The following PDGFRB variants were observed in gnomAD, a reference collection of about 807,000 sequenced individuals.
The protein encoded by PDGFRB is platelet-derived growth factor receptor beta.
In PDGFRB, 42 loss-of-function variants were observed where a neutral mutation model predicts 120.2. The ratio of observed to expected loss-of-function variants is 0.35; its 90% CI spans 0.27 to 0.45. PDGFRB has a LOEUF of 0.45. Among genes scored for constraint, PDGFRB ranks in the 20% least tolerant of loss-of-function variants. The pLI is 1.00. For missense variants in PDGFRB, 1,149 were observed against 1,476.3 expected (o/e 0.78, Z 3.63); for synonymous variants, 586 against 606.8 (o/e 0.97, Z 0.50).
chr5:150,122,774 C>T (rs1342288582), intron 15 of PDGFRB, among the ~76,000 whole-genome samples: 1 of 152,236 alleles, frequency 6.6e-6, no homozygotes, highest in Admixed American at 6.5e-5. Context: ...CCCCTTCCTC[C>T]ATCACTGCCT....
At position 150,134,831 on chromosome 5, in the gene PDGFRB, C is replaced by T; in HGVS notation, c.550G>A (p.Glu184Lys). The change falls in exon 4 of 23, where the codon GAG becomes AAG. Residue 184 changes from glutamate (E) to lysine (K), a missense_variant. Transcript: ENST00000261799. Reference protein sequence around the residue: ...DHQRGFSGIFEDRSYICKTTI... With the variant: ...DHQRGFSGIFKDRSYICKTTI... ...GTTTTGCAGATGTAGCTTCTGTCCT[C>T]AAAGATACCAGAAAAGCCACGTTGG... 1 of 1,614,206 alleles carries T rather than the reference C, an allele frequency of 6.2e-7. No homozygotes were observed. The highest frequency in any genetic ancestry group is 8.5e-7 in the Non-Finnish European group (1 of 1,180,042).
At position 150,117,792 on chromosome 5, in the gene PDGFRB, G is replaced by C. The variant is rs2113884213; in HGVS notation, c.2963C>G (p.Ser988Cys). Reference protein sequence around the residue: ...LRSDHPAILRSQARLPGFHGL... With the variant: ...LRSDHPAILRCQARLPGFHGL... ...ATGGAACCCAGGCAAGCGGGCCTGG[G>C]ACCGAAGGATGGCTGGGTGGTCACT... The change falls in exon 22 of 23, where the codon TCC (serine) becomes TGC (cysteine). Residue 988 changes from serine (S) to cysteine (C), a missense_variant. Physicochemically the swap from Ser to Cys is moderately radical, Grantham distance 112 (BLOSUM62 -1). Transcript: ENST00000261799. The C allele has an allele frequency of 1.2e-6, 2 of 1,613,916 alleles. No individual in the cohort carries two copies. The highest frequency in any genetic ancestry group is 2.2e-5 in the South Asian group (2 of 91,070).
rs746529045 is a variant in PDGFRB at position 150,129,896 on chromosome 5, C to G, written c.1440G>C (p.Val480=). 3 of 1,614,218 alleles carry G rather than the reference C, an allele frequency of 1.9e-6. No individual in the cohort carries two copies. In the East Asian group the frequency reaches 6.7e-5, roughly 36 times the overall value. Residue 480 remains valine (V), a synonymous_variant, in exon 10 of 23, where the codon GTG becomes GTC. Coordinates refer to ENST00000261799, the MANE Select transcript of PDGFRB (RefSeq NM_002609.4). ...ACTCCTGCTCCTCCTCCCAGTACGTCACGTTAGTCTCCAGCTGGCTCTCCT... is the reference window on the plus strand; with the variant it reads ...ACTCCTGCTCCTCCTCCCAGTACGTGACGTTAGTCTCCAGCTGGCTCTCCT... ...SEEESQLETN[V]TYWEEEQEFE...
intron 12 of PDGFRB, 63 bp from the exon 13 acceptor site, chr5:150,124,894 C>T (rs1760251646): frequency 3.1e-6 from 2 of 653,508 alleles, no homozygotes; most frequent in Non-Finnish European, 5.0e-6. Flanking sequence ...CCCCCAGCTG[C>T]CCCCCTCCCC....
intron 2 of PDGFRB, 150 bp downstream of exon 2, chr5:150,136,858 G>C: frequency 1.5e-6 from 1 of 656,006 alleles, no homozygotes; most frequent in South Asian, 1.7e-5. Flanking sequence ...CCTCCACAGA[G>C]CCCACTGGAA....
At chr5:150,143,098 C>T (rs1359814226) in intron 1 of PDGFRB, among the ~76,000 whole-genome samples, 1 of 151,928 alleles carries the variant, frequency 6.6e-6, no homozygotes, top group Non-Finnish European at 1.5e-5. Context: ...AGGTGGGTAG[C>T]GTATATGGAC....
Position 150,125,571 on chromosome 5 carries a change from G to A in PDGFRB, c.1681C>T (p.Arg561Cys), listed in dbSNP as rs367543286. 6.2e-7 allele frequency: 1 copy of A among 1,613,818 alleles called. No individual in the cohort carries two copies. The highest frequency in any genetic ancestry group is 8.5e-7 in the Non-Finnish European group (1 of 1,179,848). Residue 561 changes from arginine (R) to cysteine (C), a missense_variant, in exon 12 of 23, where the codon CGT becomes TGT. Around this residue, in one of 3 missense-constraint regions of PDGFRB, gnomAD observed 879 missense variants for 1,108.6 expected, o/e 0.79. Coordinates refer to ENST00000261799, the MANE Select transcript of PDGFRB (RefSeq NM_002609.4). ...ATCACCTTCCATCGGATCTCGTAACGTGGCTTCTGGAGGACCAACCCCAGG... is the reference window on the plus strand; with the variant it reads ...ATCACCTTCCATCGGATCTCGTAACATGGCTTCTGGAGGACCAACCCCAGG... ...ILIMLWQKKPRYEIRWKVIES... is the reference protein window; with the variant it reads ...ILIMLWQKKPCYEIRWKVIES...
intron 3 of PDGFRB, 111 bp downstream of exon 3, chr5:150,135,444 T>C (rs1438871863): frequency 2.7e-6 from 2 of 754,086 alleles, no homozygotes; most frequent in African/African-American, 3.5e-5. Flanking sequence ...ATTGTCTGCT[T>C]TTCTAGGATG....
intron 1 of PDGFRB, among the ~76,000 whole-genome samples, chr5:150,146,700 A>T (rs979548126): frequency 1.3e-5 from 2 of 152,206 alleles, no homozygotes; most frequent in Non-Finnish European, 2.9e-5. Context: ...CTGGGACTAC[A>T]GGTGCGCATC....
At chr5:150,124,147 A>G (rs760828915) in intron 14 of PDGFRB, 103 bp downstream of exon 14, 57 of 736,282 alleles carry the variant, frequency 7.7e-5, no homozygotes, top group Non-Finnish European at 1.1e-4. Flanking sequence ...CGGACCCTCC[A>G]GCAGGAGTGT....
intron 4 of PDGFRB, 46 bp downstream of exon 4, chr5:150,134,704 G>T (rs890874985): frequency 6.4e-7 from 1 of 1,554,936 alleles, no homozygotes; most frequent in Non-Finnish European, 8.7e-7. Context: ...CTCTGTGGAG[G>T]GTTATACTTG....
chr5:150,134,800 A>G lies in PDGFRB; in HGVS notation c.581T>C (p.Ile194Thr), dbSNP rs2229560. 3,186 of 1,614,186 alleles carry G rather than the reference A, an allele frequency of 2.0e-3. 8 individuals are homozygous for G. The highest frequency in any genetic ancestry group is 2.4e-3 in the Non-Finnish European group (2,878 of 1,180,014). Residue 194 changes from isoleucine to threonine, a missense_variant, in exon 4 of 23, where the codon ATT (isoleucine) becomes ACT (threonine). Ile to Thr is a moderately conservative substitution (Grantham distance 89, BLOSUM62 -1). Around this residue, in one of 3 missense-constraint regions of PDGFRB, gnomAD observed 879 missense variants for 1,108.6 expected, o/e 0.79. Coordinates refer to ENST00000261799, the MANE Select transcript of PDGFRB (RefSeq NM_002609.4). ...EDRSYICKTT[I>T]GDREVDSDAY... ...ATCAGAATCCACCTCCCTGTCCCCA[A>G]TGGTGGTTTTGCAGATGTAGCTTCT...
Position 150,136,024 on chromosome 5 carries a change from C to T in PDGFRB, c.41-146G>A, listed in dbSNP as rs1760621138. ...ATCCGACAGACTGGGGCTCTCCAGCCATGGCTCTGAGGACCGCTCGCCCAG... is the reference window on the plus strand; with the variant it reads ...ATCCGACAGACTGGGGCTCTCCAGCTATGGCTCTGAGGACCGCTCGCCCAG... On this transcript the variant is annotated intron_variant, in intron 2 of 22. Transcript: ENST00000261799. 14 of 563,252 alleles carry T rather than the reference C, an allele frequency of 2.5e-5. No individual in the cohort carries two copies. The East Asian group carries it at 3.8e-4, about 15-fold the overall frequency. The allele number at this position is 563,252 out of a possible 1,614,324, so 34.9% of individuals were successfully genotyped here.
chr5:150,116,751 C>A (rs1033821886), intron 22 of PDGFRB, among the ~76,000 whole-genome samples: 8 of 152,224 alleles, frequency 5.3e-5, no homozygotes, highest in Admixed American at 1.3e-4. Context: ...GCACTTCACT[C>A]CTCTGCACCA....
intron 11 of PDGFRB, 103 bp downstream of exon 11, chr5:150,126,417 G>C (rs1453380536): frequency 2.7e-6 from 2 of 750,900 alleles, no homozygotes; most frequent in African/African-American, 3.4e-5. Context: ...GCTGAGCCCT[G>C]CATGTGGCCA....
At chr5:150,143,786 AC>A (rs1760844037) in intron 1 of PDGFRB, among the ~76,000 whole-genome samples, 1 of 151,666 alleles carries the variant, frequency 6.6e-6, no homozygotes, top group South Asian at 2.1e-4. Context: ...CGAGGCTCCC[AC>A]CCGCCCCCTT....
chr5:150,138,153 C>T (rs1449059208), intron 1 of PDGFRB, among the ~76,000 whole-genome samples: 1 of 152,184 alleles, frequency 6.6e-6, no homozygotes, highest in Non-Finnish European at 1.5e-5. Context: ...GCAGCATTGG[C>T]AGGAAGGACG....
At chr5:150,130,057 G>A (rs898812768) in intron 9 of PDGFRB, 89 bp from the exon 10 acceptor site, 38 of 1,040,602 alleles carry the variant, frequency 3.7e-5, no homozygotes, top group African/African-American at 7.8e-5. Flanking sequence ...GAGGCAGGAC[G>A]TGTCCAGTTC....
chr5:150,117,542 GCGCACACACACACACACACACACA>G lies in PDGFRB; in HGVS notation c.3137+52_3137+75del. The G allele has an allele frequency of 1.9e-5, 9 of 461,984 alleles. No individual in the cohort carries two copies. In the East Asian group the frequency reaches 2.8e-4, roughly 14 times the overall value. The allele number at this position is 461,984 out of a possible 1,614,324, so 28.6% of individuals were successfully genotyped here. On this transcript the variant is annotated intron_variant, in intron 22 of 22. Transcript: ENST00000261799. ...CAAACCTGGCAGCGCGCGCGCGCGC[GCGCACACACACACACACACACACA>G]CACACACACACACTGTGCACAATTT...
Sources: gnomAD v4.1 joint callset for allele counts (sites outside exome capture counted in the v4.1 genomes callset) on GRCh38, gnomAD v4.1.1 for gene constraint, gnomAD v4.1.1 regional missense constraint, MANE v1.5 for transcripts, NCBI Gene and HGNC (gene_info 2026-07-23, HGNC 2026-07-21) for gene names.